NPR3: variants seen among roughly 807,000 people sequenced by gnomAD.
The protein encoded by NPR3 is natriuretic peptide receptor 3.
In NPR3, 34 loss-of-function variants were observed where a neutral mutation model predicts 54.5. The ratio of observed to expected loss-of-function variants is 0.62; its 90% CI spans 0.47 to 0.83. The LOEUF is 0.83. Ranked by LOEUF, NPR3 falls within the 40% of genes least tolerant of loss-of-function variation. The probability of loss-of-function intolerance (pLI) is 0.00; values close to 1 mark genes in which losing one functional copy is unlikely to be tolerated. For synonymous variants in NPR3, 289 were observed against 297.1 expected (o/e 0.97, Z 0.28); for missense variants, 674 against 720.8 (o/e 0.94, Z 0.74).
intron 1 of NPR3, 60 bp from the exon 2 acceptor site, chr5:32,724,637 CA>C (rs1468856946): frequency 2.0e-5 from 32 of 1,602,306 alleles, no homozygotes; most frequent in Non-Finnish European, 2.4e-5. Flanking sequence ...TTACTGGTGT[CA>C]GCATGCTCGA....
chr5:32,737,916 G>A (rs1022015408), intron 2 of NPR3, among the ~76,000 whole-genome samples: 6 of 151,542 alleles, frequency 4.0e-5, no homozygotes, highest in African/African-American at 4.8e-5. Flanking sequence ...AACAAATAGA[G>A]CTTTTATTAT....
chr5:32,694,719 TTTAG>T (rs1369713254), intron 1 of NPR3, among the ~76,000 whole-genome samples: 1 of 152,192 alleles, frequency 6.6e-6, no homozygotes, highest in Non-Finnish European at 1.5e-5. Flanking sequence ...ATTATACTGT[TTTAG>T]TTATTTTAAA....
chr5:32,700,910 C>T lies in NPR3; in HGVS notation c.100+11724C>T, dbSNP rs112772526. Among the ~76,000 whole-genome samples, 700 of 152,152 alleles carry T rather than the reference C, an allele frequency of 4.6e-3. 6 individuals are homozygous for T. The highest frequency in any genetic ancestry group is 0.016 in the African/African-American group (670 of 41,482). ...GATTTATAATCTCCTGGGTATATAC[C>T]CAGTAATGGGATGGCTGGGTCAAAT... On this transcript the variant is annotated intron_variant, in intron 1 of 5. Transcript: ENST00000509104.
intron 1 of NPR3, among the ~76,000 whole-genome samples, chr5:32,699,278 C>A (rs1255659709): frequency 6.6e-6 from 1 of 152,114 alleles, no homozygotes; most frequent in Non-Finnish European, 1.5e-5. Flanking sequence ...CTCTGCGCTT[C>A]ATTTTTGTGT....
At chr5:32,728,607 C>T (rs984150979) in intron 2 of NPR3, among the ~76,000 whole-genome samples, 10 of 151,422 alleles carry the variant, frequency 6.6e-5, no homozygotes, top group Non-Finnish European at 5.9e-5. Context: ...TAGGAATATT[C>T]CTTGAAATAA....
chr5:32,706,112 A>C (rs563247602), upstream of NPR3, among the ~76,000 whole-genome samples: 1 of 151,970 alleles, frequency 6.6e-6, no homozygotes, highest in Non-Finnish European at 1.5e-5. Context: ...GTGAATTCTC[A>C]TGAGATCTGG....
At chr5:32,693,629 T>C (rs1430158071) in intron 1 of NPR3, among the ~76,000 whole-genome samples, 1 of 152,230 alleles carries the variant, frequency 6.6e-6, no homozygotes, top group Admixed American at 6.5e-5. Context: ...CACGATTGGC[T>C]ATCACACAGA....
In NPR3 at chr5:32,788,928, C is replaced by T. The variant is rs79267250; in HGVS notation, c.*2583C>T. 6.6e-6 allele frequency: 1 copy of T among 152,294 alleles called. No homozygotes were observed. Among genetic ancestry groups the T allele is most frequent in the East Asian group, 1.9e-4 (1 of 5,180 alleles). The allele number at this position is 152,294 out of a possible 1,614,324, so 9.4% of individuals were successfully genotyped here. On this transcript the variant is annotated 3_prime_UTR_variant, in exon 8 of 8. Transcript: ENST00000265074. ...TTGAAAATTCCATTAAGTTGGAAAC[C>T]TTGGTTAAAAATGTAGGTGCCTGGC...
At chr5:32,730,326 T>C (rs1739387800) in intron 2 of NPR3, among the ~76,000 whole-genome samples, 1 of 152,090 alleles carries the variant, frequency 6.6e-6, no homozygotes. Context: ...GGGAACCTGC[T>C]TAGGTTGACA....
chr5:32,728,837 G>GTGTATA (rs1328627035), intron 2 of NPR3, among the ~76,000 whole-genome samples: 55 of 47,992 alleles, frequency 1.1e-3, no homozygotes, highest in South Asian at 7.5e-3. Flanking sequence ...GTGTGTGTGT[G>GTGTATA]TATATATATA....
chr5:32,751,658 C>A (rs768255358), intron 3 of NPR3, among the ~76,000 whole-genome samples: 7 of 152,086 alleles, frequency 4.6e-5, no homozygotes, highest in Non-Finnish European at 8.8e-5. Context: ...CAATGCACAG[C>A]AGTATTGATA....
chr5:32,774,660 A>G (rs139542431), intron 3 of NPR3, 48 bp from the exon 4 acceptor site: 7 of 1,491,228 alleles, frequency 4.7e-6, no homozygotes, highest in African/African-American at 2.8e-5. Context: ...TATTCCTGGC[A>G]TGAGTCACTT....
intron 6 of NPR3, among the ~76,000 whole-genome samples, chr5:32,784,504 A>G (rs977701720): frequency 6.6e-6 from 1 of 152,160 alleles, no homozygotes; most frequent in Non-Finnish European, 1.5e-5. Flanking sequence ...CTTCAGTTCC[A>G]GTTTTCCTCT....
intron 3 of NPR3, among the ~76,000 whole-genome samples, chr5:32,755,742 A>C (rs1740801585): frequency 1.3e-5 from 2 of 152,210 alleles, no homozygotes; most frequent in Admixed American, 1.3e-4. Flanking sequence ...TGACTGCCAA[A>C]ACACCATCAT....
chr5:32,774,021 C>T (rs1450791557), intron 3 of NPR3, among the ~76,000 whole-genome samples: 1 of 152,194 alleles, frequency 6.6e-6, no homozygotes, highest in African/African-American at 2.4e-5. Context: ...CAGGGCTCAA[C>T]TGGGATATAC....
chr5:32,756,863 C>G (rs1380589566), intron 3 of NPR3, among the ~76,000 whole-genome samples: 1 of 152,162 alleles, frequency 6.6e-6, no homozygotes, highest in Non-Finnish European at 1.5e-5. Context: ...AATAGGGAAT[C>G]CTTTCCCCAT....
chr5:32,765,062 G>A (rs969629589), intron 3 of NPR3, among the ~76,000 whole-genome samples: 4 of 152,052 alleles, frequency 2.6e-5, no homozygotes, highest in Non-Finnish European at 5.9e-5. Context: ...AAAAAAATGA[G>A]TTTACTCATT....
intron 5 of NPR3, among the ~76,000 whole-genome samples, chr5:32,781,082 G>C: frequency 6.6e-6 from 1 of 151,824 alleles, no homozygotes. Flanking sequence ...AATCAGTAAA[G>C]TGAAACTTTA....
intron 3 of NPR3, among the ~76,000 whole-genome samples, chr5:32,749,547 C>T (rs111816112): frequency 6.6e-6 from 1 of 152,088 alleles, no homozygotes; most frequent in African/African-American, 2.4e-5. Flanking sequence ...ATGTATCAAG[C>T]TTGTTATTCA....
Sources: gnomAD v4.1 joint callset for allele counts (sites outside exome capture counted in the v4.1 genomes callset) on GRCh38, gnomAD v4.1.1 for gene constraint, MANE v1.5 for transcripts, NCBI Gene and HGNC (gene_info 2026-07-23, HGNC 2026-07-21) for gene names.